Variants in FNIP1 observed in about 807,000 individuals in gnomAD.
The protein encoded by FNIP1 is folliculin-interacting protein 1.
In FNIP1, 40 loss-of-function variants were observed where a neutral mutation model predicts 124.5. The observed-to-expected ratio is 0.32, with a 90% CI of 0.25 to 0.42. The LOEUF (loss-of-function observed/expected upper bound fraction) is 0.42. Among genes scored for constraint, FNIP1 ranks in the 10% least tolerant of loss-of-function variants. The probability of loss-of-function intolerance (pLI) is 1.00; values close to 1 mark genes in which losing one functional copy is unlikely to be tolerated. For synonymous variants in FNIP1, 472 were observed against 470.6 expected (o/e 1.00, Z -0.04); for missense variants, 1,176 against 1,403.7 (o/e 0.84, Z 2.59).
intron 1 of FNIP1, among the ~76,000 whole-genome samples, chr5:131,787,121 C>T (rs376537932): frequency 1.3e-5 from 2 of 152,218 alleles, no homozygotes; most frequent in Non-Finnish European, 2.9e-5. Context: ...CAACTCCATT[C>T]CCCTTGCCAC....
chr5:131,704,583 T>C (rs1769015443), intron 9 of FNIP1, among the ~76,000 whole-genome samples: 1 of 152,182 alleles, frequency 6.6e-6, no homozygotes, highest in African/African-American at 2.4e-5. Flanking sequence ...ATGAGTCTGG[T>C]ACAATCTTTT....
chr5:131,658,392 G>A (rs1308793923), intron 15 of FNIP1, among the ~76,000 whole-genome samples: 2 of 152,240 alleles, frequency 1.3e-5, no homozygotes, highest in East Asian at 1.9e-4. Flanking sequence ...CCTGGGGTAT[G>A]GGGCCAAGCT....
In FNIP1 at chr5:131,787,470, T is replaced by C. The variant is rs779684030; in HGVS notation, c.92+9360A>G. 5.3e-5 allele frequency among the ~76,000 whole-genome samples: 8 copies of C among 152,192 alleles called. 1 individual carries two copies. The highest frequency in any genetic ancestry group is 2.1e-4 in the South Asian group (1 of 4,832). On this transcript the variant is annotated intron_variant, in intron 1 of 17. Coordinates refer to ENST00000510461, the MANE Select transcript of FNIP1 (RefSeq NM_133372.3). The stretch of plus-strand genomic sequence containing the variant: ...CATGGATCTGAACTCATCAAGTCCA[T>C]CACACCAGCTACAACTTGATAAAAG...
At chr5:131,724,304 G>A (rs947338101) in intron 3 of FNIP1, among the ~76,000 whole-genome samples, 2 of 152,150 alleles carry the variant, frequency 1.3e-5, no homozygotes, top group East Asian at 1.9e-4. Flanking sequence ...CATAATGGTT[G>A]AACTAATTTA....
chr5:131,735,011 T>C (rs936972078), intron 2 of FNIP1, among the ~76,000 whole-genome samples: 2 of 152,160 alleles, frequency 1.3e-5, no homozygotes, highest in African/African-American at 4.8e-5. Flanking sequence ...CATGCACACG[T>C]ATGTTTATTG....
At position 131,721,884 on chromosome 5, in the gene FNIP1, ATAGT is replaced by A. The variant is rs1769678408; in HGVS notation, c.355-2471_355-2468del. On this transcript the variant is annotated intron_variant, in intron 3 of 17. Transcript: ENST00000510461. ...TCTTTGTCTTCACAGGAGTCAGACAATAGTTAAAGATTGAGCTTATCCATTTGGT... is the reference window on the plus strand; with the variant it reads ...TCTTTGTCTTCACAGGAGTCAGACAATAAAGATTGAGCTTATCCATTTGGT... 2.6e-5 allele frequency among the ~76,000 whole-genome samples: 4 copies of A among 152,226 alleles called. No homozygotes were observed. The South Asian group carries it at 8.3e-4, about 32-fold the overall frequency.
At chr5:131,776,846 T>A (rs918387931) in intron 1 of FNIP1, among the ~76,000 whole-genome samples, 1 of 152,216 alleles carries the variant, frequency 6.6e-6, no homozygotes, top group Admixed American at 6.5e-5. Context: ...GTGCTTATTA[T>A]ATATTATATA....
intron 1 of FNIP1, among the ~76,000 whole-genome samples, chr5:131,753,681 C>A (rs1770954831): frequency 6.6e-6 from 1 of 152,022 alleles, no homozygotes; most frequent in Non-Finnish European, 1.5e-5. Context: ...TAAGTAGATG[C>A]ATATATTTTT....
intron 11 of FNIP1, among the ~76,000 whole-genome samples, chr5:131,683,410 A>G (rs896983935): frequency 1.3e-5 from 2 of 151,862 alleles, no homozygotes; most frequent in Non-Finnish European, 1.5e-5. Context: ...AAAATTAGCC[A>G]GGCGTGGTGG....
In FNIP1 at chr5:131,746,962, T is replaced by C. The variant is rs192799753; in HGVS notation, c.93-2272A>G. 2.6e-3 allele frequency among the ~76,000 whole-genome samples: 394 copies of C among 152,324 alleles called. 3 individuals carry two copies. Among genetic ancestry groups the C allele is most frequent in the African/African-American group, 9.0e-3 (376 of 41,574 alleles). ...CTGTTATTTTTTGACTTTTTAATAA[T>C]AGCCAATCTGATTGATGTGAGATGG... On this transcript the variant is annotated intron_variant, in intron 1 of 17. Transcript: ENST00000510461.
At chr5:131,699,480 G>A (rs1768818695) in intron 10 of FNIP1, among the ~76,000 whole-genome samples, 2 of 146,364 alleles carry the variant, frequency 1.4e-5, no homozygotes, top group Admixed American at 1.4e-4. Context: ...TGCAACCTCT[G>A]CCACCCGGGT....
At chr5:131,696,600 AT>A (rs770917994) in intron 11 of FNIP1, among the ~76,000 whole-genome samples, 1 of 152,150 alleles carries the variant, frequency 6.6e-6, no homozygotes, top group Admixed American at 6.5e-5. Context: ...CGTTATAGAT[AT>A]TTTTACAATA....
Position 131,671,567 on chromosome 5 carries a change from A to G in FNIP1, c.2877T>C (p.Val959=). The change falls in exon 14 of 18, where the codon GTT becomes GTC. Residue 959 remains valine (V), a synonymous_variant. Transcript: ENST00000510461. ...EDTGHDMTRQ[V]SSYYGGEQED... is the part of the protein sequence containing the mutation. ...CTTGCTCTCCTCCATAATAACTGCT[A>G]ACTTGTCTAGTCATATCATGACCTG... The G allele has an allele frequency of 6.2e-7, 1 of 1,613,540 alleles. No homozygotes were observed. The highest frequency in any genetic ancestry group is 8.5e-7 in the Non-Finnish European group (1 of 1,179,966).
At position 131,725,262 on chromosome 5, in the gene FNIP1, A is replaced by T. The variant is rs572019602; in HGVS notation, c.354+5642T>A. Among the ~76,000 whole-genome samples the T allele has an allele frequency of 2.6e-5, 4 of 152,282 alleles. No homozygotes were observed. In the East Asian group the frequency reaches 7.7e-4, roughly 29 times the overall value. ...GAAAATCAATGGTAGATTGATGGGGATAGCATTGAATCTATAAATTACTAT... is the reference window on the plus strand; with the variant it reads ...GAAAATCAATGGTAGATTGATGGGGTTAGCATTGAATCTATAAATTACTAT... On this transcript the variant is annotated intron_variant, in intron 3 of 17. Transcript: ENST00000510461.
At chr5:131,773,267 T>C (rs1296566064) in intron 1 of FNIP1, among the ~76,000 whole-genome samples, 1 of 152,202 alleles carries the variant, frequency 6.6e-6, no homozygotes, top group Non-Finnish European at 1.5e-5. Flanking sequence ...TGTGAGATTA[T>C]AAAAATGTAA....
chr5:131,696,639 G>C (rs1768702676), intron 11 of FNIP1, among the ~76,000 whole-genome samples: 1 of 151,924 alleles, frequency 6.6e-6, no homozygotes, highest in African/African-American at 2.4e-5. Flanking sequence ...TTATTTGTTA[G>C]CATGCTCCAT....
At chr5:131,730,591 T>G (rs1426272711) in intron 3 of FNIP1, among the ~76,000 whole-genome samples, 7 of 152,352 alleles carry the variant, frequency 4.6e-5, no homozygotes, top group Middle Eastern at 3.4e-3. Flanking sequence ...ACTGAAACTG[T>G]ATTAGTATAT....
intron 2 of FNIP1, among the ~76,000 whole-genome samples, chr5:131,731,600 C>T (rs1268822022): frequency 6.6e-6 from 1 of 151,794 alleles, no homozygotes; most frequent in Non-Finnish European, 1.5e-5. Context: ...TGAGACTGCA[C>T]CACTGCACTC....
chr5:131,711,908 G>A (rs746529384), intron 6 of FNIP1, among the ~76,000 whole-genome samples: 2 of 152,018 alleles, frequency 1.3e-5, no homozygotes, highest in African/African-American at 2.4e-5. Context: ...TTTTTAATTC[G>A]TCCTAGCTTT....
Sources: allele counts gnomAD v4.1 joint callset (sites outside exome capture counted in the v4.1 genomes callset), GRCh38; gene constraint gnomAD v4.1.1; transcripts MANE v1.5; gene names NCBI Gene and HGNC (gene_info 2026-07-23, HGNC 2026-07-21).